Variants in IGFBP2 observed in about 807,000 individuals in gnomAD.
The protein encoded by IGFBP2 is insulin like growth factor binding protein 2, also known as insulin-like growth factor-binding protein 2.
A neutral mutation model predicts 26.2 loss-of-function variants in IGFBP2; 12 were observed. That is an observed-to-expected ratio of 0.46 (90% confidence interval 0.29 to 0.74). IGFBP2 has a LOEUF of 0.74. Ranked by LOEUF, IGFBP2 falls within the 30% of genes least tolerant of loss-of-function variation. The pLI is 0.09. For missense variants in IGFBP2, 328 were observed against 441.2 expected, an observed-to-expected ratio of 0.74 and a Z score of 2.30; for synonymous variants, 189 against 200.6, an observed-to-expected ratio of 0.94 and a Z score of 0.49.
rs1697422516 is a variant in IGFBP2, at chr2:216,633,462, T to C, written c.-62T>C. On this transcript the variant is annotated 5_prime_UTR_variant, in exon 1 of 4. Coordinates refer to ENST00000233809, the MANE Select transcript of IGFBP2 (RefSeq NM_000597.3). ...GGCGGCTCCCGCGCTCGCAGGGCCG[T>C]GCCACCTGCCCGCCCGCCCGCTCGC... 2 of 339,846 alleles carry C rather than the reference T, an allele frequency of 5.9e-6. No homozygotes were observed. Among genetic ancestry groups the C allele is most frequent in the Non-Finnish European group, 8.4e-6 (2 of 237,740 alleles). 21.1% of individuals were successfully genotyped at this position (339,846 alleles called of 1,614,324 possible).
chr2:216,660,520 T>C (rs9341201), intron 1 of IGFBP2, 37 bp from the exon 2 acceptor site: 69,994 of 1,520,854 alleles, frequency 0.046, 2,044 homozygotes, highest in African/African-American at 0.13. Context: ...TCTGGGAAAC[T>C]GGACCTGGAG....
intron 1 of IGFBP2, among the ~76,000 whole-genome samples, chr2:216,635,174 A>G (rs1443148296): frequency 2.6e-5 from 4 of 152,004 alleles, no homozygotes; most frequent in Non-Finnish European, 4.4e-5. Context: ...CTCCTTGAGA[A>G]TGGAATTAGG....
In IGFBP2 at chr2:216,633,552, TGCCGCTGCCGCCGCC is replaced by T. The variant is rs1697426645; in HGVS notation, c.38_52del (p.Pro13_Leu17del). On this transcript the variant is annotated inframe_deletion, in exon 1 of 4. Transcript: ENST00000233809. The stretch of plus-strand genomic sequence containing the variant: ...CTGCCGAGAGTGGGCTGCCCCGCGC[TGCCGCTGCCGCCGCC>T]GCCGCTGCTGCCGCTGCTGCTGCTG... The T allele has an allele frequency of 5.6e-5, 29 of 516,902 alleles. No homozygotes were observed. The South Asian group carries it at 7.3e-4, about 13-fold the overall frequency. The allele number at this position is 516,902 out of a possible 1,614,324, so 32.0% of individuals were successfully genotyped here.
intron 1 of IGFBP2, among the ~76,000 whole-genome samples, chr2:216,648,889 G>C (rs1351775672): frequency 6.6e-6 from 1 of 152,156 alleles, no homozygotes; most frequent in African/African-American, 2.4e-5. Context: ...TTACAGGCAT[G>C]AGCCACCGCG....
chr2:216,639,570 T>TC (rs1429300852), intron 1 of IGFBP2, among the ~76,000 whole-genome samples: 1 of 151,332 alleles, frequency 6.6e-6, no homozygotes, highest in African/African-American at 2.4e-5. Flanking sequence ...TTGTTTTTTT[T>TC]TTGTTTGTTT....
chr2:216,633,952 G>A lies in IGFBP2; in HGVS notation c.429G>A (p.Pro143=). 6 of 1,601,220 alleles carry A rather than the reference G, an allele frequency of 3.7e-6. No homozygotes were observed. In the South Asian group the frequency reaches 5.6e-5, roughly 15 times the overall value. ...GGGACGCCGAGTATGGCGCCAGCCC[G>A]GAGCAGGTTGCAGGTAACGCGGTCT... ...KRRDAEYGAS[P]EQVADNGDDH... Residue 143 remains proline (P), a synonymous_variant, in exon 1 of 4, where the codon CCG becomes CCA. Coordinates refer to ENST00000233809, the MANE Select transcript of IGFBP2 (RefSeq NM_000597.3).
At chr2:216,655,884 T>G (rs9341187) in intron 1 of IGFBP2, among the ~76,000 whole-genome samples, 14,362 of 150,880 alleles carry the variant, frequency 0.095, 1,437 homozygotes, top group African/African-American at 0.25. Flanking sequence ...GACAGAGCGA[T>G]ACTCTGTCTC....
chr2:216,639,250 G>C (rs950323142), intron 1 of IGFBP2, among the ~76,000 whole-genome samples: 1 of 151,692 alleles, frequency 6.6e-6, no homozygotes, highest in South Asian at 2.1e-4. Flanking sequence ...GGCCAGGTTG[G>C]TCTCAAACTC....
intron 1 of IGFBP2, among the ~76,000 whole-genome samples, chr2:216,658,473 A>T (rs1697960652): frequency 6.6e-6 from 1 of 151,988 alleles, no homozygotes. Context: ...CATCATCATC[A>T]GTGTAATAAC....
chr2:216,639,736 G>A (rs1697575520), intron 1 of IGFBP2, among the ~76,000 whole-genome samples: 1 of 152,082 alleles, frequency 6.6e-6, no homozygotes, highest in East Asian at 1.9e-4. Flanking sequence ...TCTGCCTCCC[G>A]AGTTCAAGCA....
chr2:216,648,688 A>T (rs1029978996), intron 1 of IGFBP2, among the ~76,000 whole-genome samples: 4 of 152,106 alleles, frequency 2.6e-5, no homozygotes, highest in African/African-American at 9.7e-5. Context: ...GGCTCACTGC[A>T]ACCTTCGCCT....
At chr2:216,650,171 G>C (rs762942891) in intron 1 of IGFBP2, among the ~76,000 whole-genome samples, 1 of 152,212 alleles carries the variant, frequency 6.6e-6, no homozygotes, top group Non-Finnish European at 1.5e-5. Flanking sequence ...CTTAGTCCTT[G>C]CCTCTGACTT....
chr2:216,648,704 G>A (rs1697762327), intron 1 of IGFBP2, among the ~76,000 whole-genome samples: 1 of 152,258 alleles, frequency 6.6e-6, no homozygotes, highest in South Asian at 2.1e-4. Context: ...CGCCTCCCGG[G>A]TTCAAGCGAT....
At chr2:216,656,929 G>A (rs1013469242) in intron 1 of IGFBP2, among the ~76,000 whole-genome samples, 1 of 152,102 alleles carries the variant, frequency 6.6e-6, no homozygotes, top group Admixed American at 6.5e-5. Context: ...CGGTGTCGAG[G>A]TCTCCAGAAA....
chr2:216,637,763 T>C (rs1381666802), intron 1 of IGFBP2, among the ~76,000 whole-genome samples: 1 of 152,156 alleles, frequency 6.6e-6, no homozygotes, highest in Admixed American at 6.5e-5. Flanking sequence ...AAGTGGACTG[T>C]TGAGCTTCCT....
At chr2:216,651,121 CAT>C (rs1232018530) in intron 1 of IGFBP2, among the ~76,000 whole-genome samples, 2 of 152,156 alleles carry the variant, frequency 1.3e-5, no homozygotes, top group African/African-American at 4.8e-5. Flanking sequence ...GGGGAAGACA[CAT>C]AAACAGTGTC....
At chr2:216,639,967 G>T (rs1261802738) in intron 1 of IGFBP2, among the ~76,000 whole-genome samples, 2 of 152,050 alleles carry the variant, frequency 1.3e-5, no homozygotes, top group Non-Finnish European at 2.9e-5. Context: ...AAGGAACTCT[G>T]TATCCAGGGA....
rs545980217 is a variant in IGFBP2, at chr2:216,663,673, C to T, written c.814-267C>T. 199 of 369,720 alleles carry T rather than the reference C, an allele frequency of 5.4e-4. 2 individuals carry two copies. Among genetic ancestry groups the T allele is most frequent in the Middle Eastern group, 2.3e-3 (3 of 1,308 alleles). 22.9% of individuals were successfully genotyped at this position (369,720 alleles called of 1,614,324 possible). A position where few individuals can be genotyped will look rare whatever the true frequency, so the allele number is the denominator to read the frequency against. On this transcript the variant is annotated intron_variant, in intron 3 of 3. Transcript: ENST00000233809. Reference sequence around the variant, plus strand: ...TTCATCTTCGGGTGTCCTGAATGGCCTTGCTAATCAGAGGGGTCCCTGGGC... The same window carrying T: ...TTCATCTTCGGGTGTCCTGAATGGCTTTGCTAATCAGAGGGGTCCCTGGGC...
intron 1 of IGFBP2, chr2:216,659,857 G>A (rs376780335): frequency 1.1e-6 from 1 of 879,008 alleles, no homozygotes; most frequent in Non-Finnish European, 1.8e-6. Flanking sequence ...GGGAATGTCA[G>A]TGTGGCAGAG....
Sources: gnomAD v4.1 joint callset for allele counts (sites outside exome capture counted in the v4.1 genomes callset) on GRCh38, gnomAD v4.1.1 for gene constraint, MANE v1.5 for transcripts, NCBI Gene and HGNC (gene_info 2026-07-23, HGNC 2026-07-21) for gene names.